Variants in LRFN5 observed in about 807,000 individuals in gnomAD.
LRFN5 encodes leucine rich repeat and fibronectin type III domain containing 5, also known as leucine-rich repeat and fibronectin type-III domain-containing protein 5.
Under a neutral mutation model 45.6 loss-of-function variants are expected in LRFN5, and 24 were observed. The observed-to-expected ratio is 0.53, with a 90% CI of 0.38 to 0.74. The LOEUF is 0.74. LRFN5 is among the 30% of genes least tolerant of loss of function. The probability of loss-of-function intolerance (pLI) is 0.00; values close to 1 mark genes in which losing one functional copy is unlikely to be tolerated. For missense variants in LRFN5, 776 were observed against 861.5 expected (o/e 0.90, Z 1.24); for synonymous variants, 340 against 313.8 (o/e 1.08, Z -0.88).
intron 2 of LRFN5, among the ~76,000 whole-genome samples, chr14:41,783,898 C>G (rs1442980006): frequency 6.6e-6 from 1 of 151,860 alleles, no homozygotes; most frequent in African/African-American, 2.4e-5. Flanking sequence ...TAGTCTTTTT[C>G]TAATTTTCAC....
At chr14:41,822,040 A>G (rs1257684818) in intron 2 of LRFN5, among the ~76,000 whole-genome samples, 3 of 151,554 alleles carry the variant, frequency 2.0e-5, no homozygotes, top group South Asian at 4.2e-4. Flanking sequence ...GCTTATTTGA[A>G]TCTTCTCCCT....
intron 1 of LRFN5, among the ~76,000 whole-genome samples, chr14:41,681,065 C>T (rs909503909): frequency 1.3e-5 from 2 of 151,796 alleles, no homozygotes; most frequent in Non-Finnish European, 2.9e-5. Flanking sequence ...TTTGAAAATA[C>T]ACAATCAGAT....
At chr14:41,791,499 T>C (rs1047220750) in intron 2 of LRFN5, among the ~76,000 whole-genome samples, 8 of 152,082 alleles carry the variant, frequency 5.3e-5, no homozygotes, top group African/African-American at 1.9e-4. Context: ...CCATATGATG[T>C]ATTTTGTCAA....
intron 2 of LRFN5, among the ~76,000 whole-genome samples, chr14:41,835,921 TTTC>T (rs1888646105): frequency 6.9e-6 from 1 of 144,524 alleles, no homozygotes; most frequent in Non-Finnish European, 1.5e-5. Context: ...TTCTTTTCTT[TTTC>T]TTTTTTTTTA....
chr14:41,887,982 G>C lies in LRFN5; in HGVS notation c.1357G>C (p.Gly453Arg). ...ACGTATGTTTCAAATCCAGTACAAT[G>C]GTACTTATGATGACACCCTTGTTTA... ...GIRMFQIQYNGTYDDTLVYRM... is the reference protein window; with the variant it reads ...GIRMFQIQYNRTYDDTLVYRM... The change falls in exon 3 of 6, where the codon GGT becomes CGT. Residue 453 changes from glycine to arginine, a missense_variant. Gly to Arg is a moderately radical substitution (Grantham distance 125). Transcript: ENST00000298119. This position sits in a 1 kb window ranked among gnomAD's most constrained non-coding sequence, Gnocchi z 4.8. 1 of 1,607,772 alleles carries C rather than the reference G, an allele frequency of 6.2e-7. No homozygotes were observed. Among genetic ancestry groups the C allele is most frequent in the Non-Finnish European group, 8.5e-7 (1 of 1,176,854 alleles).
intron 1 of LRFN5, among the ~76,000 whole-genome samples, chr14:41,669,796 T>G (rs1323338427): frequency 1.3e-5 from 2 of 151,940 alleles, no homozygotes; most frequent in Non-Finnish European, 2.9e-5. Flanking sequence ...AGAAATAATT[T>G]AAATTTCCAT....
intron 2 of LRFN5, among the ~76,000 whole-genome samples, chr14:41,797,532 CTT>C (rs990371291): frequency 2.6e-5 from 4 of 151,428 alleles, no homozygotes; most frequent in Non-Finnish European, 5.9e-5. Flanking sequence ...TGTCCTTATT[CTT>C]TTTCTTTCTT....
intron 2 of LRFN5, among the ~76,000 whole-genome samples, chr14:41,860,250 G>T (rs1889614483): frequency 6.6e-6 from 1 of 152,246 alleles, no homozygotes; most frequent in Non-Finnish European, 1.5e-5. Flanking sequence ...CATACTTTAT[G>T]CACACAGCAA....
chr14:41,717,254 C>T (rs1053801624), intron 1 of LRFN5, among the ~76,000 whole-genome samples: 6 of 152,150 alleles, frequency 3.9e-5, no homozygotes, highest in Middle Eastern at 3.2e-3. Context: ...ATTTAATTGT[C>T]TTAGGCAAAA....
At chr14:41,831,489 C>T (rs1367056045) in intron 2 of LRFN5, among the ~76,000 whole-genome samples, 2 of 152,048 alleles carry the variant, frequency 1.3e-5, no homozygotes, top group Non-Finnish European at 2.9e-5. Context: ...AATATACACA[C>T]AGCGTATGCT....
chr14:41,638,867 A>T (rs1033585544), intron 1 of LRFN5, among the ~76,000 whole-genome samples: 1 of 152,134 alleles, frequency 6.6e-6, no homozygotes, highest in African/African-American at 2.4e-5. Flanking sequence ...TCTTCTAGAA[A>T]TACAGCATCA....
intron 2 of LRFN5, among the ~76,000 whole-genome samples, chr14:41,884,816 C>T (rs1890507759): frequency 6.6e-6 from 1 of 152,048 alleles, no homozygotes; most frequent in African/African-American, 2.4e-5. Context: ...TCCTGGATTC[C>T]CTAGCTCAGG....
intron 1 of LRFN5, among the ~76,000 whole-genome samples, chr14:41,609,492 T>C (rs192538456): frequency 5.3e-5 from 8 of 152,172 alleles, no homozygotes; most frequent in Admixed American, 2.0e-4. Context: ...GCAGAACAAA[T>C]TTAGTTAACT....
intron 2 of LRFN5, among the ~76,000 whole-genome samples, chr14:41,858,365 C>T (rs1363743403): frequency 6.6e-6 from 1 of 152,118 alleles, no homozygotes; most frequent in Non-Finnish European, 1.5e-5. Context: ...GACACGCATT[C>T]TCTCAAATGC....
chr14:41,622,441 G>A (rs145588427), intron 1 of LRFN5, among the ~76,000 whole-genome samples: 2 of 151,892 alleles, frequency 1.3e-5, no homozygotes, highest in African/African-American at 2.4e-5. Flanking sequence ...TTTGTCTTAC[G>A]ATCATAAAAG....
intron 2 of LRFN5, among the ~76,000 whole-genome samples, chr14:41,798,795 A>G (rs1274020002): frequency 6.6e-6 from 1 of 151,714 alleles, no homozygotes; most frequent in East Asian, 1.9e-4. Context: ...TAAAATTTGG[A>G]CTCAGTTTCA....
intron 1 of LRFN5, among the ~76,000 whole-genome samples, chr14:41,666,434 C>T (rs942356432): frequency 1.3e-5 from 2 of 152,038 alleles, no homozygotes; most frequent in South Asian, 2.1e-4. Context: ...CAAAGATGAT[C>T]CATCTTAGTG....
intron 1 of LRFN5, among the ~76,000 whole-genome samples, chr14:41,650,268 A>ACACAC (rs1437857911): frequency 0.049 from 6,385 of 129,296 alleles, 382 homozygotes; most frequent in African/African-American, 0.15. Context: ...CACACACACA[A>ACACAC]AAAAAAAAAA....
chr14:41,710,335 T>A (rs1316528125), intron 1 of LRFN5, among the ~76,000 whole-genome samples: 2 of 152,174 alleles, frequency 1.3e-5, no homozygotes, highest in Non-Finnish European at 2.9e-5. Context: ...TACTCTTGCA[T>A]CATGGCTTAT....
Sources: allele counts gnomAD v4.1 joint callset (sites outside exome capture counted in the v4.1 genomes callset), GRCh38; gene constraint gnomAD v4.1.1; non-coding constraint Gnocchi (gnomAD v3.1); transcripts MANE v1.5; gene names NCBI Gene and HGNC (gene_info 2026-07-23, HGNC 2026-07-21).